SEMA5A: variants seen among roughly 807,000 people sequenced by gnomAD.
SEMA5A encodes the protein semaphorin-5A.
A neutral mutation model predicts 135.5 loss-of-function variants in SEMA5A; 55 were observed. The observed-to-expected ratio is 0.41, with a 90% CI of 0.33 to 0.51. SEMA5A has a LOEUF of 0.51. Among genes scored for constraint, SEMA5A ranks in the 20% least tolerant of loss-of-function variants. SEMA5A has a pLI of 0.37. For missense variants in SEMA5A, 1,290 were observed against 1,419.9 expected (o/e 0.91, Z 1.47); for synonymous variants, 580 against 546.5 (o/e 1.06, Z -0.85).
intron 3 of SEMA5A, among the ~76,000 whole-genome samples, chr5:9,356,303 A>AGGGTT (rs1388488137): frequency 6.6e-6 from 1 of 152,168 alleles, no homozygotes; most frequent in Non-Finnish European, 1.5e-5. Flanking sequence ...AGAAGAAGAA[A>AGGGTT]GGGTTGGTGT....
intron 11 of SEMA5A, 84 bp from the exon 12 acceptor site, chr5:9,154,779 G>A: frequency 8.3e-7 from 1 of 1,200,782 alleles, no homozygotes; most frequent in East Asian, 2.3e-5. Flanking sequence ...TGCTGTGTAT[G>A]CAGCCATGGA....
At chr5:9,503,742 C>T (rs1735711245) in intron 1 of SEMA5A, among the ~76,000 whole-genome samples, 1 of 152,146 alleles carries the variant, frequency 6.6e-6, no homozygotes, top group Non-Finnish European at 1.5e-5. Context: ...GCCCGCCACA[C>T]TGGGAATATT....
intron 4 of SEMA5A, among the ~76,000 whole-genome samples, chr5:9,326,218 C>T (rs183163955): frequency 7.9e-5 from 12 of 152,250 alleles, no homozygotes; most frequent in African/African-American, 1.4e-4. Flanking sequence ...CTACATGATA[C>T]GCACATTTTC....
chr5:9,073,110 T>A (rs1737858595), intron 16 of SEMA5A, among the ~76,000 whole-genome samples: 1 of 152,096 alleles, frequency 6.6e-6, no homozygotes, highest in African/African-American at 2.4e-5. Context: ...AACTTTGATA[T>A]CAAAACCAGA....
At chr5:9,245,975 AAAG>A (rs1748460601) in intron 5 of SEMA5A, among the ~76,000 whole-genome samples, 1 of 151,136 alleles carries the variant, frequency 6.6e-6, no homozygotes, top group African/African-American at 2.4e-5. Context: ...TGATCTTTTG[AAAG>A]AAGAACATTA....
At chr5:9,324,078 T>TA (rs796621106) in intron 4 of SEMA5A, among the ~76,000 whole-genome samples, 107 of 152,038 alleles carry the variant, frequency 7.0e-4, no homozygotes, top group African/African-American at 2.5e-3. Context: ...TATTTTATTT[T>TA]TTTTTTTTGA....
chr5:9,394,975 T>TA (rs1295147036), intron 2 of SEMA5A, among the ~76,000 whole-genome samples: 1 of 152,190 alleles, frequency 6.6e-6, no homozygotes, highest in Non-Finnish European at 1.5e-5. Flanking sequence ...CTAATTTTTT[T>TA]AATGTTTGTA....
intron 2 of SEMA5A, among the ~76,000 whole-genome samples, chr5:9,395,571 G>A (rs1756353340): frequency 6.6e-6 from 1 of 152,146 alleles, no homozygotes; most frequent in Non-Finnish European, 1.5e-5. Flanking sequence ...GTTATCCAAA[G>A]CTTTCTGCTT....
At chr5:9,533,975 G>A (rs1253728496) in intron 1 of SEMA5A, among the ~76,000 whole-genome samples, 1 of 152,158 alleles carries the variant, frequency 6.6e-6, no homozygotes, top group Non-Finnish European at 1.5e-5. Flanking sequence ...CAAAAGCTGT[G>A]TTGAAAAAGA....
chr5:9,297,511 G>A (rs916557099), intron 5 of SEMA5A, among the ~76,000 whole-genome samples: 1 of 152,016 alleles, frequency 6.6e-6, no homozygotes, highest in Non-Finnish European at 1.5e-5. Context: ...CTTGTTCCTG[G>A]ACTTTCAGGC....
chr5:9,455,505 C>T (rs528616678), intron 1 of SEMA5A, among the ~76,000 whole-genome samples: 72 of 152,224 alleles, frequency 4.7e-4, no homozygotes, highest in African/African-American at 1.7e-3. Context: ...ATCCGCCCGC[C>T]TCGGCCTCCC....
At chr5:9,134,186 A>G (rs2150213014) in intron 13 of SEMA5A, among the ~76,000 whole-genome samples, 1 of 152,298 alleles carries the variant, frequency 6.6e-6, no homozygotes, top group African/African-American at 2.4e-5. Context: ...AGCAGTGTGA[A>G]AGCAGACTAA....
intron 4 of SEMA5A, among the ~76,000 whole-genome samples, chr5:9,324,154 T>A (rs1050453168): frequency 6.6e-6 from 1 of 151,858 alleles, no homozygotes; most frequent in African/African-American, 2.4e-5. Flanking sequence ...CTGCAAGCTC[T>A]GCCTCCTGGG....
chr5:9,155,666 A>C (rs749479352), intron 11 of SEMA5A, among the ~76,000 whole-genome samples: 1 of 152,224 alleles, frequency 6.6e-6, no homozygotes, highest in Non-Finnish European at 1.5e-5. Flanking sequence ...TTGCAAACAC[A>C]GAAAATGAGT....
intron 1 of SEMA5A, among the ~76,000 whole-genome samples, chr5:9,438,845 G>A (rs138528403): frequency 2.7e-3 from 406 of 152,272 alleles, no homozygotes; most frequent in African/African-American, 7.6e-3. Flanking sequence ...GTCATGATCC[G>A]AGGCCATCTG....
Position 9,139,857 on chromosome 5 carries a change from T to C in SEMA5A, c.1482-3236A>G, listed in dbSNP as rs1346998594. On this transcript the variant is annotated intron_variant, in intron 12 of 22. Transcript: ENST00000382496. ...AACATTATAGAAAGATTAAAGATTA[T>C]AGAAACATCACTCCCCCGATTCCTT... Among the ~76,000 whole-genome samples, 17 of 152,226 alleles carry C rather than the reference T, an allele frequency of 1.1e-4. 1 individual carries two copies. The East Asian group carries it at 2.5e-3, about 22-fold the overall frequency.
intron 5 of SEMA5A, among the ~76,000 whole-genome samples, chr5:9,307,308 T>C (rs999353478): frequency 6.6e-6 from 1 of 152,168 alleles, no homozygotes; most frequent in Admixed American, 6.6e-5. Context: ...AGCAAAAGGA[T>C]TGTTTGTCAA....
chr5:9,524,965 G>A (rs1354722490), intron 1 of SEMA5A, among the ~76,000 whole-genome samples: 1 of 151,826 alleles, frequency 6.6e-6, no homozygotes, highest in Non-Finnish European at 1.5e-5. Flanking sequence ...AAGAGAGAGA[G>A]GAAAAAAGAG....
chr5:9,499,151 G>A (rs1323432446), intron 1 of SEMA5A, among the ~76,000 whole-genome samples: 3 of 152,206 alleles, frequency 2.0e-5, no homozygotes, highest in African/African-American at 7.2e-5. Context: ...AGAGAGTCCT[G>A]AAATGGTTAA....
Sources: allele counts gnomAD v4.1 joint callset (sites outside exome capture counted in the v4.1 genomes callset), GRCh38; gene constraint gnomAD v4.1.1; transcripts MANE v1.5; gene names NCBI Gene and HGNC (gene_info 2026-07-23, HGNC 2026-07-21).